KIF21A: variants seen among roughly 807,000 people sequenced by gnomAD.
KIF21A encodes kinesin family member 21A, also known as kinesin-like protein KIF21A.
In KIF21A, 114 loss-of-function variants were observed where a neutral mutation model predicts 202.9. The observed-to-expected ratio is 0.56, with a 90% CI of 0.48 to 0.66. The LOEUF is 0.66. Among genes scored for constraint, KIF21A ranks in the 30% least tolerant of loss-of-function variants. The pLI, the probability that KIF21A is intolerant of heterozygous loss-of-function variation, is 0.00. For synonymous variants in KIF21A, 667 were observed against 670.8 expected, an observed-to-expected ratio of 0.99 and a Z score of 0.09; for missense variants, 1,677 against 1,994.9, an observed-to-expected ratio of 0.84 and a Z score of 3.04.
chr12:39,352,637 CAAT>C (rs938667260), intron 10 of KIF21A, among the ~76,000 whole-genome samples: 2 of 152,148 alleles, frequency 1.3e-5, no homozygotes, highest in African/African-American at 4.8e-5. Context: ...ATTCATCACA[CAAT>C]AGTAGCATTT....
At chr12:39,346,359 A>T in intron 12 of KIF21A, 107 bp downstream of exon 12, 1 of 641,476 alleles carries the variant, frequency 1.6e-6, no homozygotes, top group Non-Finnish European at 2.2e-6. Flanking sequence ...GGAGCAGCCC[A>T]GCTTATCTAG....
At chr12:39,398,530 G>T (rs1015465122) in intron 1 of KIF21A, among the ~76,000 whole-genome samples, 2 of 152,108 alleles carry the variant, frequency 1.3e-5, no homozygotes, top group Admixed American at 1.3e-4. Flanking sequence ...TAGGCTAGGA[G>T]ATCAAAAAGG....
chr12:39,296,270 C>T (rs111242689), intron 37 of KIF21A, among the ~76,000 whole-genome samples: 19,296 of 150,006 alleles, frequency 0.13, 1,311 homozygotes, highest in African/African-American at 0.18. Context: ...AGGGTTTCAC[C>T]GTGTTAGCCA....
chr12:39,412,475 G>T (rs1013437702), intron 1 of KIF21A, among the ~76,000 whole-genome samples: 2 of 152,084 alleles, frequency 1.3e-5, no homozygotes, highest in Non-Finnish European at 2.9e-5. Context: ...CCAGCACTTC[G>T]GAAGGCTAAG....
At chr12:39,356,998 C>A (rs77933812) in intron 9 of KIF21A, 103 bp from the exon 10 acceptor site, 1 of 696,642 alleles carries the variant, frequency 1.4e-6, no homozygotes. Flanking sequence ...TTTTAAAACA[C>A]AATTCTTACA....
At chr12:39,308,615 C>T (rs906506970) in intron 33 of KIF21A, among the ~76,000 whole-genome samples, 3 of 152,012 alleles carry the variant, frequency 2.0e-5, no homozygotes, top group Admixed American at 1.3e-4. Context: ...TTAAACATAA[C>T]GTATGCCTAT....
chr12:39,392,992 C>T (rs932211894), intron 1 of KIF21A, among the ~76,000 whole-genome samples: 1 of 145,348 alleles, frequency 6.9e-6, no homozygotes. Context: ...TATAAATGAG[C>T]CATACTAGAT....
chr12:39,304,529 A>G (rs960399816), intron 35 of KIF21A, among the ~76,000 whole-genome samples: 1 of 152,216 alleles, frequency 6.6e-6, no homozygotes, highest in African/African-American at 2.4e-5. Flanking sequence ...TCTGAAGATC[A>G]TAATATTTTC....
Position 39,416,599 on chromosome 12 carries a change from A to G in KIF21A, c.44+26328T>C, listed in dbSNP as rs945483912. 5.0e-4 allele frequency among the ~76,000 whole-genome samples: 60 copies of G among 119,282 alleles called. 1 individual carries two copies. Among genetic ancestry groups the G allele is most frequent in the African/African-American group, 2.4e-3 (54 of 22,946 alleles). The allele number at this position is 119,282 out of a possible 152,430, so 78.3% of individuals were successfully genotyped here. A position where few individuals can be genotyped will look rare whatever the true frequency, so the allele number is the denominator to read the frequency against. On this transcript the variant is annotated intron_variant, in intron 1 of 37. Transcript: ENST00000361418. Reference sequence around the variant, plus strand: ...TGACAGAGTGAGATCCGCCTTAAATATACATATATATATATATGTACATAT... The same window carrying G: ...TGACAGAGTGAGATCCGCCTTAAATGTACATATATATATATATGTACATAT...
chr12:39,421,568 C>CT (rs1954261531), intron 1 of KIF21A, among the ~76,000 whole-genome samples: 1 of 151,762 alleles, frequency 6.6e-6, no homozygotes, highest in Non-Finnish European at 1.5e-5. Context: ...TAGTGCATGC[C>CT]TGTAGTCCCA....
At chr12:39,419,225 C>T (rs967400486) in intron 1 of KIF21A, among the ~76,000 whole-genome samples, 1 of 152,088 alleles carries the variant, frequency 6.6e-6, no homozygotes, top group African/African-American at 2.4e-5. Context: ...AGTAGAAATG[C>T]CTTGGAAACA....
At chr12:39,352,650 T>G (rs1948481346) in intron 10 of KIF21A, among the ~76,000 whole-genome samples, 1 of 152,136 alleles carries the variant, frequency 6.6e-6, no homozygotes, top group Admixed American at 6.6e-5. Context: ...TAGTAGCATT[T>G]CCAAAACTGT....
In KIF21A at chr12:39,391,832, C is replaced by T. The variant is rs562792331; in HGVS notation, c.45-21571G>A. On this transcript the variant is annotated intron_variant, in intron 1 of 37. Coordinates refer to ENST00000361418, the MANE Select transcript of KIF21A (RefSeq NM_001173464.2). ...TCGGCTCACTGCAACCTCTGCCTCC[C>T]GGGTTCAAGCAATTTTCTGCCCCAG... is the stretch of plus-strand genomic sequence containing the variant. 5.3e-5 allele frequency among the ~76,000 whole-genome samples: 8 copies of T among 152,058 alleles called. No individual in the cohort carries two copies. In the East Asian group the frequency reaches 5.8e-4, roughly 11 times the overall value.
chr12:39,339,474 A>G (rs140135524), intron 16 of KIF21A, among the ~76,000 whole-genome samples: 106 of 152,290 alleles, frequency 7.0e-4, no homozygotes, highest in Admixed American at 2.3e-3. Flanking sequence ...ACACTCCATG[A>G]TGTTTGCACA....
intron 1 of KIF21A, among the ~76,000 whole-genome samples, chr12:39,403,129 C>G (rs139521329): frequency 6.6e-6 from 1 of 152,024 alleles, no homozygotes; most frequent in Non-Finnish European, 1.5e-5. Context: ...CCTTCAAACA[C>G]CCCTTGACAA....
chr12:39,387,437 A>G (rs2388320), intron 1 of KIF21A, among the ~76,000 whole-genome samples: 51,152 of 152,048 alleles, frequency 0.34, 10,784 homozygotes, highest in African/African-American at 0.6. Context: ...AAAGACAGTG[A>G]GGCAAGCTTG....
chr12:39,346,092 G>A (rs1947867435), intron 12 of KIF21A, among the ~76,000 whole-genome samples: 1 of 151,754 alleles, frequency 6.6e-6, no homozygotes, highest in African/African-American at 2.4e-5. Flanking sequence ...TTTCCACTCT[G>A]CTCACAAGTT....
At position 39,369,891 on chromosome 12, in the gene KIF21A, G is replaced by A. The variant is rs1434199930; in HGVS notation, c.288C>T (p.Tyr96=). ...TAACATCAAATCCTGTTCCCATTGT[G>A]TATGTTTTACCAGCTCCAGTCTAAA... The part of the protein sequence containing the change: ...AYGQTGAGKT[Y]TMGTGFDVNI... Residue 96 remains tyrosine (Y), a synonymous_variant, in exon 3 of 38, where the codon TAC becomes TAT. Transcript: ENST00000361418. The A allele has an allele frequency of 3.1e-6, 5 of 1,613,206 alleles. No homozygotes were observed. In the South Asian group the frequency reaches 4.4e-5, roughly 14 times the overall value.
chr12:39,361,587 T>TCTCGGCTCACTGCAAG lies in KIF21A; in HGVS notation c.1019+1510_1019+1511insCTTGCAGTGAGCCGAG, dbSNP rs1555175425. Among the ~76,000 whole-genome samples, 4 of 114,960 alleles carry TCTCGGCTCACTGCAAG rather than the reference T, an allele frequency of 3.5e-5. 1 individual carries two copies. Among genetic ancestry groups the TCTCGGCTCACTGCAAG allele is most frequent in the African/African-American group, 8.0e-5 (2 of 25,130 alleles). 75.4% of individuals were successfully genotyped at this position (114,960 alleles called of 152,430 possible). On this transcript the variant is annotated intron_variant, in intron 7 of 37. Coordinates refer to ENST00000361418, the MANE Select transcript of KIF21A (RefSeq NM_001173464.2). ...CCCAGGATGGAGTGCAGTGGCACGA[T>TCTCGGCTCACTGCAAG]CTCCGCCTCCTGGGTTCACGCCATT...
Sources: allele counts gnomAD v4.1 joint callset (sites outside exome capture counted in the v4.1 genomes callset), GRCh38; gene constraint gnomAD v4.1.1; transcripts MANE v1.5; gene names NCBI Gene and HGNC (gene_info 2026-07-23, HGNC 2026-07-21).